CNTN5: variants seen among roughly 807,000 people sequenced by gnomAD.
The protein encoded by CNTN5 is contactin 5, also known as contactin-5.
Under a neutral mutation model 129.1 loss-of-function variants are expected in CNTN5, and 77 were observed. The observed-to-expected ratio is 0.60, with a 90% confidence interval of 0.50 to 0.72. The LOEUF (loss-of-function observed/expected upper bound fraction) is 0.72. Among genes scored for constraint, CNTN5 ranks in the 30% least tolerant of loss-of-function variants. The pLI, the probability that CNTN5 is intolerant of heterozygous loss-of-function variation, is 0.00. For missense variants in CNTN5, 1,478 were observed against 1,328.8 expected (o/e 1.11, Z -1.75); for synonymous variants, 509 against 465.6 (o/e 1.09, Z -1.20).
chr11:99,969,783 A>G (rs1036914330), intron 8 of CNTN5, among the ~76,000 whole-genome samples: 1 of 152,018 alleles, frequency 6.6e-6, no homozygotes, highest in African/African-American at 2.4e-5. Flanking sequence ...GTACTTATCC[A>G]TTTATATGTC....
intron 3 of CNTN5, among the ~76,000 whole-genome samples, chr11:99,752,810 T>C (rs1231362266): frequency 6.6e-6 from 1 of 152,154 alleles, no homozygotes; most frequent in Non-Finnish European, 1.5e-5. Context: ...TTTATTTGAG[T>C]TAAATTAAGG....
intron 6 of CNTN5, among the ~76,000 whole-genome samples, chr11:99,869,709 A>G (rs779663044): frequency 1.2e-4 from 18 of 152,338 alleles, no homozygotes; most frequent in African/African-American, 2.9e-4. Flanking sequence ...TATATGATCA[A>G]TTGATCTGGA....
chr11:100,265,121 A>G (rs769983767), intron 17 of CNTN5, among the ~76,000 whole-genome samples: 1 of 152,094 alleles, frequency 6.6e-6, no homozygotes, highest in Non-Finnish European at 1.5e-5. Context: ...AGCAAGAACA[A>G]CACTTCTAAA....
intron 2 of CNTN5, among the ~76,000 whole-genome samples, chr11:99,479,295 G>C (rs1235075607): frequency 1.3e-5 from 2 of 150,922 alleles, no homozygotes; most frequent in Non-Finnish European, 3.0e-5. Context: ...ATAAGAAAAT[G>C]TTATTTATTA....
chr11:100,268,861 G>A (rs1037432766), intron 17 of CNTN5, among the ~76,000 whole-genome samples: 6 of 152,142 alleles, frequency 3.9e-5, no homozygotes, highest in Admixed American at 2.0e-4. Flanking sequence ...ACATCTGTAA[G>A]AAAGCAATTG....
chr11:99,794,659 C>G (rs1945869671), intron 3 of CNTN5, among the ~76,000 whole-genome samples: 1 of 152,072 alleles, frequency 6.6e-6, no homozygotes, highest in Non-Finnish European at 1.5e-5. Context: ...TGTAAAGAAT[C>G]TTATTTTTCC....
At chr11:99,810,713 C>T (rs981370697) in intron 3 of CNTN5, among the ~76,000 whole-genome samples, 1 of 152,100 alleles carries the variant, frequency 6.6e-6, no homozygotes. Context: ...TCCTTGCAAG[C>T]TTCATAAAAC....
At chr11:100,188,450 G>C (rs571223708) in intron 13 of CNTN5, among the ~76,000 whole-genome samples, 3 of 151,696 alleles carry the variant, frequency 2.0e-5, no homozygotes, top group African/African-American at 7.3e-5. Context: ...ACAACAACAA[G>C]AACAAAACAG....
At chr11:99,738,506 G>A (rs1056454788) in intron 3 of CNTN5, among the ~76,000 whole-genome samples, 4 of 152,110 alleles carry the variant, frequency 2.6e-5, no homozygotes, top group African/African-American at 7.2e-5. Flanking sequence ...TTCATTTCAG[G>A]ATAAGTTGGA....
intron 2 of CNTN5, among the ~76,000 whole-genome samples, chr11:99,525,996 G>A (rs1947469986): frequency 7.5e-6 from 1 of 133,184 alleles, no homozygotes; most frequent in Admixed American, 7.3e-5. Context: ...ATACATTAAT[G>A]TTTTATCACT....
intron 3 of CNTN5, among the ~76,000 whole-genome samples, chr11:99,759,135 A>T (rs574487637): frequency 6.6e-6 from 1 of 152,052 alleles, no homozygotes; most frequent in Non-Finnish European, 1.5e-5. Context: ...CAGAAGAAAG[A>T]AGTAGATCAA....
chr11:100,122,237 T>C (rs948960854), intron 13 of CNTN5, among the ~76,000 whole-genome samples: 1 of 151,918 alleles, frequency 6.6e-6, no homozygotes, highest in East Asian at 1.9e-4. Context: ...GGTGGAATGG[T>C]ATAAGTCTTG....
chr11:99,200,897 C>T (rs1405417809), intron 1 of CNTN5, among the ~76,000 whole-genome samples: 1 of 152,108 alleles, frequency 6.6e-6, no homozygotes, highest in Non-Finnish European at 1.5e-5. Context: ...CCCTAAATCA[C>T]CTTCTTTGGG....
In CNTN5 at chr11:99,179,465, A is replaced by G. The variant is rs11218654; in HGVS notation, c.-209-145881A>G. Among the ~76,000 whole-genome samples the G allele has an allele frequency of 4.4e-3, 676 of 152,238 alleles. 34 individuals are homozygous for G. The East Asian group carries it at 0.12, about 27-fold the overall frequency. On this transcript the variant is annotated intron_variant, in intron 1 of 24. Coordinates refer to ENST00000524871, the MANE Select transcript of CNTN5 (RefSeq NM_014361.4). ...TCAAAAGTAAAAAATAAATAAATAA[A>G]AAATAAACAAAAACAAACATAAAAA... is the stretch of plus-strand genomic sequence containing the variant.
At chr11:99,171,817 A>G (rs1431438779) in intron 1 of CNTN5, among the ~76,000 whole-genome samples, 1 of 152,178 alleles carries the variant, frequency 6.6e-6, no homozygotes, top group African/African-American at 2.4e-5. Flanking sequence ...ATCAATAATT[A>G]CAATATATTG....
chr11:99,257,822 A>G (rs73534985), intron 1 of CNTN5, among the ~76,000 whole-genome samples: 2,562 of 152,150 alleles, frequency 0.017, 85 homozygotes, highest in African/African-American at 0.059. Context: ...GTATGAGAGG[A>G]TCACAATCAT....
At chr11:99,412,939 C>T (rs1326368219) in intron 2 of CNTN5, among the ~76,000 whole-genome samples, 3 of 152,168 alleles carry the variant, frequency 2.0e-5, no homozygotes, top group Non-Finnish European at 2.9e-5. Flanking sequence ...TACCAGAGTA[C>T]ATCACCAAGC....
At chr11:99,424,111 T>G (rs1943015286) in intron 2 of CNTN5, among the ~76,000 whole-genome samples, 1 of 152,166 alleles carries the variant, frequency 6.6e-6, no homozygotes, top group African/African-American at 2.4e-5. Flanking sequence ...ATTTATAAAT[T>G]AGGCACAGTA....
intron 2 of CNTN5, among the ~76,000 whole-genome samples, chr11:99,508,508 C>A (rs1049090094): frequency 6.6e-6 from 1 of 152,044 alleles, no homozygotes; most frequent in Non-Finnish European, 1.5e-5. Context: ...TTCATACAAG[C>A]GACTTGAGCA....
Sources: allele counts gnomAD v4.1 joint callset (sites outside exome capture counted in the v4.1 genomes callset), GRCh38; gene constraint gnomAD v4.1.1; transcripts MANE v1.5; gene names NCBI Gene and HGNC (gene_info 2026-07-23, HGNC 2026-07-21).